ABCB5: variants seen among roughly 807,000 people sequenced by gnomAD.
ABCB5 encodes ATP binding cassette subfamily B member 5.
In ABCB5, 155 loss-of-function variants were observed where a neutral mutation model predicts 144.2. That is an observed-to-expected ratio of 1.08 (90% CI 0.94 to 1.23). The LOEUF (loss-of-function observed/expected upper bound fraction) is 1.23. Among genes scored for constraint, ABCB5 ranks in the 50% most tolerant of loss-of-function variants. The pLI, the probability that ABCB5 is intolerant of heterozygous loss-of-function variation, is 0.00. For synonymous variants in ABCB5, 610 were observed against 528.6 expected (o/e 1.15, Z -2.11); for missense variants, 1,830 against 1,520.8 (o/e 1.20, Z -3.38).
intron 13 of ABCB5, among the ~76,000 whole-genome samples, chr7:20,652,985 G>C (rs1023255517): frequency 1.3e-5 from 2 of 152,088 alleles, no homozygotes; most frequent in African/African-American, 4.8e-5. Flanking sequence ...CCATTATTTA[G>C]GATCATAATT....
At chr7:20,753,709 C>T (rs1383917234) in intron 27 of ABCB5, among the ~76,000 whole-genome samples, 1 of 152,150 alleles carries the variant, frequency 6.6e-6, no homozygotes, top group Non-Finnish European at 1.5e-5. Context: ...CAGAGGGAAT[C>T]TCATGTTCCA....
chr7:20,643,358 T>G lies in ABCB5; in HGVS notation c.489T>G (p.Leu163=). The change falls in exon 6 of 28, where the codon CTT becomes CTG. Residue 163 remains leucine, a synonymous_variant. Transcript: ENST00000404938. ...TTGATAGCTGTGACATCGGTGAACT[T>G]AACACTCGCATGACAGAGTAAGAGG... The part of the protein sequence containing the change: ...GWFDSCDIGE[L]NTRMTDDIDK... 2 of 1,613,998 alleles carry G rather than the reference T, an allele frequency of 1.2e-6. No homozygotes were observed. The highest frequency in any genetic ancestry group is 1.6e-4 in the Middle Eastern group (1 of 6,062).
At chr7:20,752,543 T>C (rs1349330511) in intron 26 of ABCB5, among the ~76,000 whole-genome samples, 1 of 152,146 alleles carries the variant, frequency 6.6e-6, no homozygotes, top group Non-Finnish European at 1.5e-5. Context: ...AAAAGGTGAA[T>C]AGACTGTTTC....
intron 19 of ABCB5, among the ~76,000 whole-genome samples, chr7:20,700,717 T>C (rs1211462502): frequency 1.3e-5 from 2 of 152,176 alleles, no homozygotes; most frequent in African/African-American, 4.8e-5. Flanking sequence ...GAAGTGAGTC[T>C]TGGGGGCAAA....
At chr7:20,659,666 G>A (rs1188835508) in intron 14 of ABCB5, 8 of 987,198 alleles carry the variant, frequency 8.1e-6, no homozygotes, top group African/African-American at 3.5e-5. Flanking sequence ...ACAAAGACAG[G>A]ACTAATATTT....
intron 14 of ABCB5, chr7:20,660,323 T>G (rs1455445701): frequency 1.0e-6 from 1 of 985,032 alleles, no homozygotes; most frequent in Non-Finnish European, 1.2e-6. Flanking sequence ...TTTAACTTAT[T>G]TCAAAAATTC....
chr7:20,749,555 A>C (rs1253741957), intron 26 of ABCB5, among the ~76,000 whole-genome samples: 1 of 151,890 alleles, frequency 6.6e-6, no homozygotes, highest in African/African-American at 2.4e-5. Context: ...CCATGCATTT[A>C]GTCACTCAAC....
intron 23 of ABCB5, 98 bp downstream of exon 23, chr7:20,728,553 A>T (rs975149451): frequency 5.9e-6 from 8 of 1,363,832 alleles, no homozygotes; most frequent in Non-Finnish European, 6.9e-6. Flanking sequence ...CAGGAGTTTG[A>T]GATCAGCCTG....
At chr7:20,632,215 C>T in intron 5 of ABCB5, 102 bp downstream of exon 5, 1 of 674,674 alleles carries the variant, frequency 1.5e-6, no homozygotes. Context: ...ATTAATATTA[C>T]ATAACAAATG....
chr7:20,753,667 G>T (rs1782999696), intron 27 of ABCB5, among the ~76,000 whole-genome samples, 161 bp downstream of exon 27: 1 of 152,218 alleles, frequency 6.6e-6, no homozygotes, highest in Admixed American at 6.5e-5. Flanking sequence ...AAAAAGGTCA[G>T]TAGGTGGTGG....
rs73076551 is a variant in ABCB5, at chr7:20,617,793, C to A, written c.-22+1956C>A. On this transcript the variant is annotated intron_variant, in intron 1 of 27. Coordinates refer to ENST00000404938, the MANE Select transcript of ABCB5 (RefSeq NM_001163941.2). ...AAAGAGATAATCCTGCAAATATTAA[C>A]CAAAAGAGAGCTGGAATGGTTATAG... Among the ~76,000 whole-genome samples the A allele has an allele frequency of 7.8e-4, 118 of 152,026 alleles. 2 individuals carry two copies. Among genetic ancestry groups the A allele is most frequent in the Admixed American group, 7.0e-3 (107 of 15,270 alleles).
chr7:20,746,362 T>G (rs573563605), intron 26 of ABCB5, among the ~76,000 whole-genome samples: 2 of 152,120 alleles, frequency 1.3e-5, no homozygotes, highest in African/African-American at 4.8e-5. Flanking sequence ...CCTCCCAAAG[T>G]GCTGGGATTA....
intron 16 of ABCB5, among the ~76,000 whole-genome samples, chr7:20,691,109 G>T (rs560538809): frequency 4.8e-5 from 7 of 147,328 alleles, no homozygotes; most frequent in Non-Finnish European, 7.5e-5. Flanking sequence ...CCAGTTTAAG[G>T]TCTGAGTAGT....
At chr7:20,742,814 T>C in intron 24 of ABCB5, 63 bp from the exon 25 acceptor site, 2 of 1,525,830 alleles carry the variant, frequency 1.3e-6, no homozygotes, top group Non-Finnish European at 1.8e-6. Flanking sequence ...TTGGCCAGTA[T>C]GCTACAGTGT....
intron 24 of ABCB5, among the ~76,000 whole-genome samples, chr7:20,741,989 G>A (rs995034147): frequency 1.3e-5 from 2 of 152,102 alleles, no homozygotes; most frequent in African/African-American, 4.8e-5. Flanking sequence ...GATGAGTATT[G>A]GTTTAGAAAT....
chr7:20,717,217 G>C (rs1026027428), intron 20 of ABCB5, among the ~76,000 whole-genome samples: 1 of 152,156 alleles, frequency 6.6e-6, no homozygotes, highest in Non-Finnish European at 1.5e-5. Flanking sequence ...CAAGGACAGT[G>C]TGTTAGTCAG....
At position 20,672,694 on chromosome 7, in the gene ABCB5, G is replaced by A. The variant is rs147130355; in HGVS notation, c.1708-8811G>A. Among the ~76,000 whole-genome samples, 1,274 of 152,262 alleles carry A rather than the reference G, an allele frequency of 8.4e-3. 37 individuals are homozygous for A. The highest frequency in any genetic ancestry group is 0.056 in the Admixed American group (854 of 15,290). ...ATATTTTGAGTTAATTATTATATGT[G>A]ATATAAGGTACAGTTTAAGGTTCCT... On this transcript the variant is annotated intron_variant, in intron 14 of 27. Coordinates refer to ENST00000404938, the MANE Select transcript of ABCB5 (RefSeq NM_001163941.2).
intron 16 of ABCB5, among the ~76,000 whole-genome samples, chr7:20,688,186 C>T (rs972644422): frequency 1.7e-4 from 25 of 151,464 alleles, no homozygotes; most frequent in African/African-American, 6.1e-4. Context: ...GAGTGAGACC[C>T]GGTCTCAAAA....
Position 20,651,543 on chromosome 7 carries a change from C to T in ABCB5, c.1456C>T (p.Arg486Ter), listed in dbSNP as rs773139161. 3.2e-5 allele frequency: 52 copies of T among 1,613,804 alleles called. No homozygotes were observed. Among genetic ancestry groups the T allele is most frequent in the African/African-American group, 8.0e-5 (6 of 74,812 alleles). The change falls in exon 13 of 28, where the codon CGA becomes TGA. Residue 486 changes from arginine (R) to a stop codon, truncating the protein, a stop_gained. Transcript: ENST00000404938. LOFTEE classifies it high-confidence loss of function. Reference protein sequence around the residue: ...TTISNNIKYGRDDVTDEEMER... With the variant: ...TTISNNIKYG Reference sequence around the variant, plus strand: ...CATCAGTAACAATATCAAGTATGGACGAGATGATGTGACTGATGAAGAGAT... The same window carrying T: ...CATCAGTAACAATATCAAGTATGGATGAGATGATGTGACTGATGAAGAGAT...
Sources: allele counts gnomAD v4.1 joint callset (sites outside exome capture counted in the v4.1 genomes callset), GRCh38; gene constraint gnomAD v4.1.1; transcripts MANE v1.5; gene names NCBI Gene and HGNC (gene_info 2026-07-23, HGNC 2026-07-21).